DLG2: variants seen among roughly 807,000 people sequenced by gnomAD.
The protein encoded by DLG2 is disks large homolog 2.
In DLG2, 45 loss-of-function variants were observed where a neutral mutation model predicts 132.5. The ratio of observed to expected loss-of-function variants is 0.34; its 90% CI spans 0.27 to 0.44. The LOEUF (loss-of-function observed/expected upper bound fraction) is 0.44. Among genes scored for constraint, DLG2 ranks in the 20% least tolerant of loss-of-function variants. The pLI, the probability that DLG2 is intolerant of heterozygous loss-of-function variation, is 1.00. For missense variants in DLG2, 1,045 were observed against 1,196.9 expected, an observed-to-expected ratio of 0.87 and a Z score of 1.87; for synonymous variants, 424 against 419.6, an observed-to-expected ratio of 1.01 and a Z score of -0.13.
intron 6 of DLG2, among the ~76,000 whole-genome samples, chr11:84,778,380 G>A (rs1193293395): frequency 1.3e-5 from 2 of 152,072 alleles, no homozygotes; most frequent in South Asian, 2.1e-4. Flanking sequence ...ATAAAATCAG[G>A]TAATGTGATT....
intron 6 of DLG2, among the ~76,000 whole-genome samples, chr11:84,885,738 C>A (rs1172464501): frequency 2.6e-5 from 4 of 152,000 alleles, no homozygotes; most frequent in African/African-American, 9.7e-5. Context: ...CCGCTATAAG[C>A]AATGAAAACC....
intron 6 of DLG2, among the ~76,000 whole-genome samples, chr11:85,101,891 T>C (rs1374508216): frequency 6.6e-6 from 1 of 152,034 alleles, no homozygotes; most frequent in Non-Finnish European, 1.5e-5. Context: ...AATTTCTAAA[T>C]AGTCAGTCTT....
chr11:85,509,122 T>A (rs895436215), intron 3 of DLG2, among the ~76,000 whole-genome samples: 5 of 152,042 alleles, frequency 3.3e-5, no homozygotes, highest in African/African-American at 1.2e-4. Flanking sequence ...ACACAGAAAA[T>A]TTCGCAGTGA....
At chr11:84,174,542 C>T (rs895264157) in intron 8 of DLG2, among the ~76,000 whole-genome samples, 1 of 152,204 alleles carries the variant, frequency 6.6e-6, no homozygotes, top group South Asian at 2.1e-4. Context: ...GCCTTAAATG[C>T]CTTAATGCAA....
chr11:85,598,848 T>A, intron 2 of DLG2, 60 bp from the exon 3 acceptor site: 1 of 450,938 alleles, frequency 2.2e-6, no homozygotes, highest in Non-Finnish European at 3.8e-6. Context: ...AAACTAACAT[T>A]AAACTATTCT....
intron 3 of DLG2, among the ~76,000 whole-genome samples, chr11:85,583,057 A>AAAAAT (rs1436845621): frequency 9.8e-6 from 1 of 101,634 alleles, no homozygotes; most frequent in African/African-American, 4.9e-5. Flanking sequence ...GGAAAAAAAA[A>AAAAAT]ATATATATAT....
At chr11:84,586,287 T>A (rs893415066) in intron 6 of DLG2, among the ~76,000 whole-genome samples, 10 of 152,252 alleles carry the variant, frequency 6.6e-5, no homozygotes, top group Non-Finnish European at 1.5e-4. Flanking sequence ...TGTATATTTA[T>A]GAAATAAGCA....
intron 3 of DLG2, among the ~76,000 whole-genome samples, chr11:85,446,793 ATGTGTG>A (rs35097336): frequency 8.7e-4 from 126 of 145,194 alleles, no homozygotes; most frequent in African/African-American, 2.7e-3. Flanking sequence ...GATATAGTAT[ATGTGTG>A]TGTGTGTGTG....
chr11:85,578,931 T>C (rs1253707955), intron 3 of DLG2, among the ~76,000 whole-genome samples: 1 of 152,120 alleles, frequency 6.6e-6, no homozygotes, highest in Admixed American at 6.5e-5. Flanking sequence ...CACATGCATG[T>C]GTATGCTCAT....
chr11:85,098,446 C>T (rs565012985), intron 6 of DLG2, among the ~76,000 whole-genome samples: 2 of 152,246 alleles, frequency 1.3e-5, no homozygotes, highest in South Asian at 2.1e-4. Context: ...AGTCATAAAA[C>T]GGCCATTCCG....
chr11:84,760,084 T>C (rs2067406429), intron 6 of DLG2, among the ~76,000 whole-genome samples: 1 of 152,222 alleles, frequency 6.6e-6, no homozygotes, highest in Admixed American at 6.5e-5. Flanking sequence ...ATGCAGCATT[T>C]TATAAAACAT....
Position 84,297,130 on chromosome 11 carries a change from G to GAAA in DLG2, c.520-45842_520-45840dup, listed in dbSNP as rs1371157932. 4.4e-3 allele frequency among the ~76,000 whole-genome samples: 646 copies of GAAA among 146,558 alleles called. 7 individuals are homozygous for GAAA. The highest frequency in any genetic ancestry group is 6.1e-3 in the Non-Finnish European group (405 of 66,568). ...CATGTGAGGTAACCTCAAAGAATTT[G>GAAA]AAAAAAAAAAAACACCTAGACGAGC... On this transcript the variant is annotated intron_variant, in intron 7 of 27. Coordinates refer to ENST00000376104, the MANE Select transcript of DLG2 (RefSeq NM_001142699.3).
chr11:84,246,872 G>A lies in DLG2; in HGVS notation c.573+4366C>T, dbSNP rs192563147. Among the ~76,000 whole-genome samples the A allele has an allele frequency of 5.3e-5, 8 of 152,170 alleles. No homozygotes were observed. In the South Asian group the frequency reaches 1.2e-3, roughly 24 times the overall value. Reference sequence around the variant, plus strand: ...AGAGAAGAAAAAAATGCTTATTGCCGCTGATTTTTTTTTGGTTGTGGTTAC... The same window carrying A: ...AGAGAAGAAAAAAATGCTTATTGCCACTGATTTTTTTTTGGTTGTGGTTAC... On this transcript the variant is annotated intron_variant, in intron 8 of 27. Transcript: ENST00000376104.
intron 3 of DLG2, among the ~76,000 whole-genome samples, chr11:85,494,619 A>T (rs1428028326): frequency 6.6e-6 from 1 of 152,104 alleles, no homozygotes; most frequent in Non-Finnish European, 1.5e-5. Context: ...CTTATAAAAT[A>T]CTCTTGGAAA....
At chr11:83,974,458 A>C (rs1565872784) in intron 12 of DLG2, among the ~76,000 whole-genome samples, 1 of 5,178 alleles carries the variant, frequency 1.9e-4, no homozygotes, top group Non-Finnish European at 2.9e-4. Context: ...CACTAGTTTT[A>C]GGTGTTTTGT....
chr11:84,317,211 C>T (rs1396893570), intron 7 of DLG2: 7 of 1,533,678 alleles, frequency 4.6e-6, no homozygotes, highest in Middle Eastern at 1.8e-4. Context: ...CCTCACACCC[C>T]TTTCTTCCAG....
chr11:84,244,038 T>C (rs2097269404), intron 8 of DLG2, among the ~76,000 whole-genome samples: 1 of 152,200 alleles, frequency 6.6e-6, no homozygotes, highest in Admixed American at 6.5e-5. Flanking sequence ...AACCCAGTCG[T>C]GCATAAAGCC....
At chr11:85,219,638 G>T (rs994124306) in intron 4 of DLG2, among the ~76,000 whole-genome samples, 2 of 150,768 alleles carry the variant, frequency 1.3e-5, no homozygotes, top group Non-Finnish European at 3.0e-5. Flanking sequence ...CTGTTATCAG[G>T]TGGCATTCTC....
intron 6 of DLG2, among the ~76,000 whole-genome samples, chr11:85,102,129 C>T (rs1187154731): frequency 6.6e-6 from 1 of 151,978 alleles, no homozygotes; most frequent in Non-Finnish European, 1.5e-5. Flanking sequence ...CTAAATTCAT[C>T]ATTTTTACAG....
Sources: allele counts gnomAD v4.1 joint callset (sites outside exome capture counted in the v4.1 genomes callset), GRCh38; gene constraint gnomAD v4.1.1; transcripts MANE v1.5; gene names NCBI Gene and HGNC (gene_info 2026-07-23, HGNC 2026-07-21).